CCNT2: variants seen among roughly 807,000 people sequenced by gnomAD.
CCNT2 encodes the protein cyclin T2, also known as cyclin-T2.
A neutral mutation model predicts 70.0 loss-of-function variants in CCNT2; 18 were observed. The observed-to-expected ratio is 0.26, with a 90% CI of 0.18 to 0.38. CCNT2 has a LOEUF of 0.38. Among genes scored for constraint, CCNT2 ranks in the 10% least tolerant of loss-of-function variants. The pLI is 1.00. For synonymous variants in CCNT2, 334 were observed against 313.3 expected, an observed-to-expected ratio of 1.07 and a Z score of -0.70; for missense variants, 734 against 890.2, an observed-to-expected ratio of 0.82 and a Z score of 2.23.
chr2:134,924,523 C>T (rs1680138565), intron 2 of CCNT2, among the ~76,000 whole-genome samples: 1 of 152,088 alleles, frequency 6.6e-6, no homozygotes, highest in Non-Finnish European at 1.5e-5. Context: ...AATCTCGGCT[C>T]GCTGCAACCT....
At position 134,954,773 on chromosome 2, in the gene CCNT2, GC is replaced by G; in HGVS notation, c.*126del. 1.6e-6 allele frequency: 1 copy of G among 624,438 alleles called. No homozygotes were observed. The highest frequency in any genetic ancestry group is 2.8e-6 in the Non-Finnish European group (1 of 351,558). The allele number at this position is 624,438 out of a possible 1,614,324, so 38.7% of individuals were successfully genotyped here. On this transcript the variant is annotated 3_prime_UTR_variant, in exon 9 of 9. Transcript: ENST00000264157. ...TGCCACTGCTTCAATATTTGTAAGT[GC>G]TGCTTTATTCTTCATTCTGAAAAGA...
intron 3 of CCNT2, among the ~76,000 whole-genome samples, chr2:134,937,842 A>T (rs1249989226): frequency 1.3e-5 from 2 of 152,208 alleles, no homozygotes; most frequent in Non-Finnish European, 2.9e-5. Context: ...TGAACCCAGG[A>T]GGCAGAGGTT....
intron 2 of CCNT2, among the ~76,000 whole-genome samples, chr2:134,936,018 G>A (rs1350241014): frequency 1.3e-5 from 2 of 151,840 alleles, no homozygotes; most frequent in African/African-American, 2.4e-5. Context: ...GATAGTGAAG[G>A]TATCTTCACT....
Position 134,928,332 on chromosome 2 carries a change from G to C in CCNT2, c.240+8441G>C, listed in dbSNP as rs188146974. Among the ~76,000 whole-genome samples the C allele has an allele frequency of 2.3e-3, 322 of 140,060 alleles. 1 individual carries two copies. The highest frequency in any genetic ancestry group is 0.019 in the Admixed American group (239 of 12,814). 91.9% of individuals were successfully genotyped at this position (140,060 alleles called of 152,430 possible). A position where few individuals can be genotyped will look rare whatever the true frequency, so the allele number is the denominator to read the frequency against. On this transcript the variant is annotated intron_variant, in intron 2 of 8. Transcript: ENST00000264157. Reference sequence around the variant, plus strand: ...TCATTCTTGTTGCCCAGGCTGGAGTGCAATGGCGCGATCTCGGCTCACCAC... The same window carrying C: ...TCATTCTTGTTGCCCAGGCTGGAGTCCAATGGCGCGATCTCGGCTCACCAC...
At chr2:134,952,256 T>C (rs45609433) in intron 7 of CCNT2, among the ~76,000 whole-genome samples, 2,843 of 152,314 alleles carry the variant, frequency 0.019, 94 homozygotes, top group African/African-American at 0.065. Context: ...GTTGGGATTA[T>C]ACAAATAACG....
At chr2:134,953,059 TTATGCCTCTAAGG>T (rs1180127801) in intron 8 of CCNT2, 158 bp from the exon 9 acceptor site, 1 of 529,284 alleles carries the variant, frequency 1.9e-6, no homozygotes, top group Non-Finnish European at 3.3e-6. Context: ...TTATAGCCTT[TTATGCCTCTAAGG>T]CATTTATTTA....
At chr2:134,948,190 G>A (rs967989299) in intron 7 of CCNT2, among the ~76,000 whole-genome samples, 11 of 151,934 alleles carry the variant, frequency 7.2e-5, no homozygotes, top group African/African-American at 1.7e-4. Flanking sequence ...GTGGTGGTGC[G>A]TGCCTATAGT....
chr2:134,948,954 A>G (rs1231509001), intron 7 of CCNT2, among the ~76,000 whole-genome samples: 2 of 151,964 alleles, frequency 1.3e-5, no homozygotes, highest in Non-Finnish European at 2.9e-5. Context: ...ACCTCAGATG[A>G]TCTGCCCACC....
In CCNT2 at chr2:134,954,537, C is replaced by T. The variant is rs763695225; in HGVS notation, c.2082C>T (p.Thr694=). 6.2e-7 allele frequency: 1 copy of T among 1,614,032 alleles called. No homozygotes were observed. Among genetic ancestry groups the T allele is most frequent in the Non-Finnish European group, 8.5e-7 (1 of 1,179,910 alleles). The change falls in exon 9 of 9, where the codon ACC becomes ACT. Residue 694 remains threonine (T), a synonymous_variant. Transcript: ENST00000264157. ...AACTGGACAAGAAGCCAGTGGAGACCAACGGTCCTGATGCCAATCACGAGT... is the reference window on the plus strand; with the variant it reads ...AACTGGACAAGAAGCCAGTGGAGACTAACGGTCCTGATGCCAATCACGAGT... ...LVKLDKKPVE[T]NGPDANHEYS... is the part of the protein sequence containing the mutation.
At position 134,942,689 on chromosome 2, in the gene CCNT2, A is replaced by G; in HGVS notation, c.493+15A>G. On this transcript the variant is annotated intron_variant, in intron 5 of 8. Transcript: ENST00000264157. The stretch of plus-strand genomic sequence containing the variant: ...GTTAGTAAGAGGTAGGTGATCCTTG[A>G]AACTTTTAAGATAAGTATTAATGCT... 1 of 1,599,180 alleles carries G rather than the reference A, an allele frequency of 6.3e-7. No individual in the cohort carries two copies. The highest frequency in any genetic ancestry group is 8.5e-7 in the Non-Finnish European group (1 of 1,171,096).
chr2:134,944,091 C>T (rs915799473), intron 5 of CCNT2: 1 of 983,968 alleles, frequency 1.0e-6, no homozygotes, highest in Non-Finnish European at 1.2e-6. Flanking sequence ...TAGTAGCACA[C>T]GTTATCATTT....
chr2:134,919,443 GCT>G (rs1679696554), intron 1 of CCNT2, among the ~76,000 whole-genome samples: 1 of 152,168 alleles, frequency 6.6e-6, no homozygotes, highest in South Asian at 2.1e-4. Flanking sequence ...CTTGATGGCG[GCT>G]CTCTTCTACC....
intron 1 of CCNT2, among the ~76,000 whole-genome samples, chr2:134,919,344 C>T (rs1359729544): frequency 6.6e-6 from 1 of 152,158 alleles, no homozygotes; most frequent in African/African-American, 2.4e-5. Flanking sequence ...GGACTTGTCC[C>T]TGACCCCGAA....
chr2:134,945,614 G>A, intron 5 of CCNT2: 3 of 985,376 alleles, frequency 3.0e-6, no homozygotes, highest in Non-Finnish European at 3.6e-6. Flanking sequence ...GAAAAACTGA[G>A]CAGTTTGTGC....
intron 2 of CCNT2, among the ~76,000 whole-genome samples, chr2:134,931,567 A>G (rs1398502990): frequency 6.6e-6 from 1 of 152,088 alleles, no homozygotes; most frequent in African/African-American, 2.4e-5. Flanking sequence ...TGTGAATTTT[A>G]GGATCAAGCT....
intron 2 of CCNT2, among the ~76,000 whole-genome samples, chr2:134,923,304 A>T (rs1680052333): frequency 6.6e-6 from 1 of 152,066 alleles, no homozygotes; most frequent in Admixed American, 6.6e-5. Context: ...AATAATAATA[A>T]AAATAAATAA....
intron 7 of CCNT2, 101 bp downstream of exon 7, chr2:134,948,000 G>A: frequency 3.3e-6 from 2 of 601,002 alleles, no homozygotes; most frequent in Non-Finnish European, 5.3e-6. Flanking sequence ...TGAACAGAAT[G>A]AAAACAACAA....
Position 134,919,887 on chromosome 2 carries a change from A to G in CCNT2, c.236A>G (p.Lys79Arg). ...YMHHSFTKFNKNIISSTALFL... is the reference protein window; with the variant it reads ...YMHHSFTKFNRNIISSTALFL... ...CACCATTCTTTCACCAAATTCAACA[A>G]AAATGTAAGTACTAGTTGTCTGTTT... Residue 79 changes from lysine to arginine, a missense_variant, in exon 2 of 9, where the codon AAA becomes AGA. Lys to Arg is a conservative substitution (Grantham distance 26). This residue lies in a region of CCNT2 where 161 missense variants were observed against 303.8 expected (regional missense o/e 0.53). Transcript: ENST00000264157. 1.3e-6 allele frequency: 2 copies of G among 1,595,222 alleles called. No homozygotes were observed. Among genetic ancestry groups the G allele is most frequent in the Non-Finnish European group, 1.7e-6 (2 of 1,172,802 alleles).
At position 134,953,979 on chromosome 2, in the gene CCNT2, G is replaced by T. The variant is rs766464151; in HGVS notation, c.1524G>T (p.Arg508=). The change falls in exon 9 of 9, where the codon CGG becomes CGT. Residue 508 remains arginine, a synonymous_variant. Transcript: ENST00000264157. ...KKEKSGSLKL[R]IPIPPTDKSA... Reference sequence around the variant, plus strand: ...AAAAGAGTGGGTCACTGAAATTACGGATTCCAATACCACCCACTGATAAAA... The same window carrying T: ...AAAAGAGTGGGTCACTGAAATTACGTATTCCAATACCACCCACTGATAAAA... 6.2e-6 allele frequency: 10 copies of T among 1,614,074 alleles called. No homozygotes were observed. Among genetic ancestry groups the T allele is most frequent in the Non-Finnish European group, 8.5e-6 (10 of 1,180,016 alleles).
Sources: gnomAD v4.1 joint callset for allele counts (sites outside exome capture counted in the v4.1 genomes callset) on GRCh38, gnomAD v4.1.1 for gene constraint, gnomAD v4.1.1 regional missense constraint, MANE v1.5 for transcripts, NCBI Gene and HGNC (gene_info 2026-07-23, HGNC 2026-07-21) for gene names.